Variants in SPATS2L observed in about 807,000 individuals in gnomAD.
SPATS2L encodes SPATS2-like protein.
In SPATS2L, 30 loss-of-function variants were observed where a neutral mutation model predicts 59.6. The ratio of observed to expected loss-of-function variants is 0.50; its 90% CI spans 0.38 to 0.68. The LOEUF is 0.68. SPATS2L is among the 30% of genes least tolerant of loss of function. SPATS2L has a pLI of 0.00. For missense variants in SPATS2L, 615 were observed against 700.0 expected (o/e 0.88, Z 1.37); for synonymous variants, 252 against 263.5 (o/e 0.96, Z 0.42).
At chr2:200,367,646 A>G (rs1013698185) in intron 2 of SPATS2L, among the ~76,000 whole-genome samples, 1 of 152,260 alleles carries the variant, frequency 6.6e-6, no homozygotes, top group African/African-American at 2.4e-5. Context: ...TAAAAAGTAG[A>G]TTGAAAAAGT....
intron 2 of SPATS2L, among the ~76,000 whole-genome samples, chr2:200,384,466 G>A (rs1290044638): frequency 6.6e-6 from 1 of 152,164 alleles, no homozygotes; most frequent in African/African-American, 2.4e-5. Flanking sequence ...CCATTCTCCT[G>A]CCTCAGCCTC....
intron 4 of SPATS2L, 126 bp downstream of exon 4, chr2:200,412,545 G>A (rs1337532134): frequency 1.0e-5 from 5 of 478,782 alleles, no homozygotes; most frequent in East Asian, 6.8e-5. Flanking sequence ...AGAAATGTGC[G>A]AGGTTTCACA....
intron 6 of SPATS2L, among the ~76,000 whole-genome samples, chr2:200,438,329 C>T (rs538119779): frequency 6.6e-6 from 1 of 152,146 alleles, no homozygotes; most frequent in Non-Finnish European, 1.5e-5. Flanking sequence ...TTCAAGAGCA[C>T]ACTGGCTTCC....
At chr2:200,389,460 C>T (rs1296449371) in intron 3 of SPATS2L, 177 bp downstream of exon 3, 2 of 519,844 alleles carry the variant, frequency 3.8e-6, no homozygotes, top group South Asian at 3.1e-5. Flanking sequence ...TTACTGAAAG[C>T]ATGTTAAGCA....
intron 1 of SPATS2L, among the ~76,000 whole-genome samples, chr2:200,321,694 C>T (rs185301184): frequency 6.6e-6 from 1 of 152,136 alleles, no homozygotes; most frequent in Non-Finnish European, 1.5e-5. Flanking sequence ...TGTGAATAGA[C>T]AACAAATTCA....
chr2:200,392,894 A>G (rs532407413), intron 3 of SPATS2L, among the ~76,000 whole-genome samples: 13 of 152,312 alleles, frequency 8.5e-5, no homozygotes, highest in African/African-American at 3.1e-4. Context: ...TCCCCCACAC[A>G]TTTGGGTGAC....
intron 2 of SPATS2L, among the ~76,000 whole-genome samples, chr2:200,385,974 G>A (rs1347093772): frequency 1.3e-5 from 2 of 152,210 alleles, no homozygotes; most frequent in Non-Finnish European, 2.9e-5. Flanking sequence ...CCACAGGCGT[G>A]AGCCACCGCA....
chr2:200,389,321 A>C, intron 3 of SPATS2L, 38 bp downstream of exon 3: 1 of 1,463,360 alleles, frequency 6.8e-7, no homozygotes, highest in Non-Finnish European at 9.4e-7. Flanking sequence ...AGAAACTCCA[A>C]ACTAGGTAAT....
chr2:200,313,445 T>TA (rs2079259516), intron 1 of SPATS2L, among the ~76,000 whole-genome samples: 2 of 152,220 alleles, frequency 1.3e-5, no homozygotes, highest in African/African-American at 2.4e-5. Flanking sequence ...TGGTAATCTG[T>TA]GTCCCTTATA....
At chr2:200,431,998 G>T (rs1185583791) in intron 6 of SPATS2L, among the ~76,000 whole-genome samples, 1 of 152,234 alleles carries the variant, frequency 6.6e-6, no homozygotes, top group African/African-American at 2.4e-5. Context: ...CACTGCAGCT[G>T]AGTGTAAATG....
intron 4 of SPATS2L, among the ~76,000 whole-genome samples, chr2:200,415,861 ACT>A (rs906274398): frequency 2.2e-4 from 33 of 152,054 alleles, no homozygotes; most frequent in African/African-American, 7.5e-4. Context: ...ATCCATGCTA[ACT>A]CTAGAGAAAC....
chr2:200,452,808 A>G (rs1219169275), intron 8 of SPATS2L, among the ~76,000 whole-genome samples: 1 of 152,192 alleles, frequency 6.6e-6, no homozygotes, highest in African/African-American at 2.4e-5. Flanking sequence ...GTGGACATGT[A>G]TGCAGGGTTT....
At chr2:200,324,175 C>T (rs1307362459) in intron 1 of SPATS2L, among the ~76,000 whole-genome samples, 1 of 152,140 alleles carries the variant, frequency 6.6e-6, no homozygotes, top group Non-Finnish European at 1.5e-5. Flanking sequence ...TATCTTAGTC[C>T]CTTAAGACAA....
At chr2:200,363,290 T>C (rs1333890595) in intron 2 of SPATS2L, among the ~76,000 whole-genome samples, 1 of 36,068 alleles carries the variant, frequency 2.8e-5, no homozygotes, top group East Asian at 5.4e-4. Context: ...AAAAGACAGT[T>C]TGCTTATTAT....
At chr2:200,335,458 A>G (rs1006401489) in intron 2 of SPATS2L, among the ~76,000 whole-genome samples, 3 of 152,150 alleles carry the variant, frequency 2.0e-5, no homozygotes, top group Admixed American at 1.3e-4. Context: ...AGGGCTTCCA[A>G]GGGTGCTGGC....
intron 2 of SPATS2L, among the ~76,000 whole-genome samples, chr2:200,330,680 G>A (rs3769471): frequency 0.51 from 77,559 of 152,040 alleles, 21,096 homozygotes; most frequent in East Asian, 0.77. Flanking sequence ...TTCTTGAAAC[G>A]TATACCAAAT....
intron 2 of SPATS2L, among the ~76,000 whole-genome samples, chr2:200,330,789 A>T (rs1445009727): frequency 6.6e-6 from 1 of 152,208 alleles, no homozygotes; most frequent in East Asian, 1.9e-4. Flanking sequence ...GGAGAATGAG[A>T]TGCCTCCAGC....
chr2:200,306,330 G>A (rs2079009692), upstream of SPATS2L: 1 of 1,002,394 alleles, frequency 1.0e-6, no homozygotes, highest in Non-Finnish European at 1.2e-6. Context: ...CGTGCGGATT[G>A]TGACAAAATC....
At chr2:200,411,319 T>G (rs2082871222) in intron 3 of SPATS2L, among the ~76,000 whole-genome samples, 1 of 152,210 alleles carries the variant, frequency 6.6e-6, no homozygotes, top group South Asian at 2.1e-4. Context: ...TAGCATCACA[T>G]TACACATACC....
Sources: allele counts gnomAD v4.1 joint callset (sites outside exome capture counted in the v4.1 genomes callset), GRCh38; gene constraint gnomAD v4.1.1; transcripts MANE v1.5; gene names NCBI Gene and HGNC (gene_info 2026-07-23, HGNC 2026-07-21).